Variants in GPC6 observed in about 807,000 individuals in gnomAD.
The protein encoded by GPC6 is glypican-6.
Under a neutral mutation model 55.2 loss-of-function variants are expected in GPC6, and 14 were observed. The ratio of observed to expected loss-of-function variants is 0.25; its 90% CI spans 0.17 to 0.40. GPC6 has a LOEUF of 0.40. Among genes scored for constraint, GPC6 ranks in the 10% least tolerant of loss-of-function variants. GPC6 has a pLI of 1.00. For missense variants in GPC6, 641 were observed against 708.5 expected (o/e 0.90, Z 1.08); for synonymous variants, 278 against 259.6 (o/e 1.07, Z -0.68).
intron 6 of GPC6, among the ~76,000 whole-genome samples, chr13:94,317,190 T>G (rs1876582768): frequency 6.6e-6 from 1 of 152,220 alleles, no homozygotes; most frequent in Non-Finnish European, 1.5e-5. Context: ...TTGATTCAGC[T>G]GGAAGAAAAC....
At chr13:93,253,514 G>A (rs1029394676) in intron 1 of GPC6, among the ~76,000 whole-genome samples, 1 of 152,160 alleles carries the variant, frequency 6.6e-6, no homozygotes, top group African/African-American at 2.4e-5. Context: ...TGACTTACAG[G>A]TGATTAATTT....
At chr13:93,741,769 A>C (rs1479923963) in intron 2 of GPC6, among the ~76,000 whole-genome samples, 1 of 152,100 alleles carries the variant, frequency 6.6e-6, no homozygotes, top group East Asian at 1.9e-4. Flanking sequence ...ACTCTACTTA[A>C]ATAGTGTTAG....
Position 93,476,593 on chromosome 13 carries a change from A to G in GPC6, c.161-68670A>G, listed in dbSNP as rs114969071. Reference sequence around the variant, plus strand: ...TTTTGGTGGATAGAGTTCTTAATACATAATTGTTGATTACTGTAAGTGCTT... The same window carrying G: ...TTTTGGTGGATAGAGTTCTTAATACGTAATTGTTGATTACTGTAAGTGCTT... On this transcript the variant is annotated intron_variant, in intron 1 of 8. Coordinates refer to ENST00000377047, the MANE Select transcript of GPC6 (RefSeq NM_005708.5). 6.3e-3 allele frequency among the ~76,000 whole-genome samples: 962 copies of G among 152,324 alleles called. 10 individuals are homozygous for G. The highest frequency in any genetic ancestry group is 0.022 in the African/African-American group (909 of 41,566).
chr13:93,269,854 T>C (rs1877454418), intron 1 of GPC6, among the ~76,000 whole-genome samples: 1 of 130,452 alleles, frequency 7.7e-6, no homozygotes, highest in African/African-American at 3.0e-5. Flanking sequence ...ATTGCGTCAC[T>C]GCACTCCAGC....
intron 2 of GPC6, among the ~76,000 whole-genome samples, chr13:93,728,836 G>C (rs188499266): frequency 3.3e-5 from 5 of 151,770 alleles, no homozygotes; most frequent in Non-Finnish European, 1.5e-5. Flanking sequence ...CCAAAGTGCT[G>C]AGATTACAGG....
At chr13:93,591,514 G>A (rs930466962) in intron 2 of GPC6, among the ~76,000 whole-genome samples, 7 of 150,394 alleles carry the variant, frequency 4.7e-5, no homozygotes, top group Non-Finnish European at 8.9e-5. Context: ...TATCAATATT[G>A]TAGGATAAAA....
intron 2 of GPC6, among the ~76,000 whole-genome samples, chr13:93,627,947 A>C (rs2139567072): frequency 6.6e-6 from 1 of 152,328 alleles, no homozygotes; most frequent in South Asian, 2.1e-4. Context: ...GGATCATTTT[A>C]AGAGTTCAAA....
the GPC6 span, among the ~76,000 whole-genome samples, chr13:93,218,177 A>G: frequency 3.5e-3 from 535 of 152,072 alleles, 4 homozygotes; most frequent in East Asian, 0.012. Flanking sequence ...TCTCACAAAC[A>G]TTTAATTATT....
intron 1 of GPC6, among the ~76,000 whole-genome samples, chr13:93,323,309 T>A (rs1001268115): frequency 6.6e-5 from 10 of 152,198 alleles, no homozygotes; most frequent in African/African-American, 2.4e-4. Flanking sequence ...ACTTATTAAG[T>A]AATAGGAAAA....
intron 3 of GPC6, among the ~76,000 whole-genome samples, chr13:94,014,076 T>C (rs1475524221): frequency 2.0e-5 from 3 of 152,202 alleles, no homozygotes; most frequent in Admixed American, 2.0e-4. Flanking sequence ...GGCTCTGATT[T>C]ACAATTCATA....
chr13:93,905,752 A>G (rs1043679686), intron 3 of GPC6, among the ~76,000 whole-genome samples: 1 of 152,238 alleles, frequency 6.6e-6, no homozygotes, highest in African/African-American at 2.4e-5. Context: ...TAATTACCTA[A>G]TGAATGAATC....
intron 1 of GPC6, among the ~76,000 whole-genome samples, chr13:93,506,718 C>G (rs1032336206): frequency 6.6e-6 from 1 of 151,918 alleles, no homozygotes; most frequent in African/African-American, 2.4e-5. Context: ...TTTCTCTCTT[C>G]TTTCAGACTA....
At chr13:94,229,637 A>T (rs1321727244) in intron 4 of GPC6, among the ~76,000 whole-genome samples, 2 of 152,190 alleles carry the variant, frequency 1.3e-5, no homozygotes, top group Non-Finnish European at 2.9e-5. Flanking sequence ...CAGTTGGGTG[A>T]TCTCCCCCTG....
At chr13:93,975,667 T>C (rs982665877) in intron 3 of GPC6, among the ~76,000 whole-genome samples, 1 of 152,222 alleles carries the variant, frequency 6.6e-6, no homozygotes, top group African/African-American at 2.4e-5. Flanking sequence ...CAAGACCTGC[T>C]ATCCTGATCC....
At chr13:93,959,831 G>A (rs979563954) in intron 3 of GPC6, among the ~76,000 whole-genome samples, 6 of 152,062 alleles carry the variant, frequency 3.9e-5, no homozygotes, top group Non-Finnish European at 5.9e-5. Flanking sequence ...TAGAAATGAC[G>A]AAACTAAAGC....
intron 1 of GPC6, among the ~76,000 whole-genome samples, chr13:93,442,389 T>C (rs553324198): frequency 6.6e-6 from 1 of 152,214 alleles, no homozygotes; most frequent in Non-Finnish European, 1.5e-5. Context: ...GAAAAGGGTC[T>C]GATTTATCAA....
intron 2 of GPC6, among the ~76,000 whole-genome samples, chr13:93,761,084 T>G (rs982088212): frequency 1.3e-5 from 2 of 152,224 alleles, no homozygotes; most frequent in Non-Finnish European, 2.9e-5. Flanking sequence ...AAATTTATAT[T>G]GCATTTTCAT....
At chr13:93,599,802 T>C (rs1877934050) in intron 2 of GPC6, among the ~76,000 whole-genome samples, 1 of 152,222 alleles carries the variant, frequency 6.6e-6, no homozygotes, top group Admixed American at 6.5e-5. Context: ...TTCTAATCAC[T>C]CCTGTCCATT....
At chr13:94,265,173 GA>G in intron 4 of GPC6, among the ~76,000 whole-genome samples, 1 of 152,286 alleles carries the variant, frequency 6.6e-6, no homozygotes, top group Non-Finnish European at 1.5e-5. Context: ...CGTGTAATAT[GA>G]AAAGGGAGTG....
Sources: gnomAD v4.1 joint callset for allele counts (sites outside exome capture counted in the v4.1 genomes callset) on GRCh38, gnomAD v4.1.1 for gene constraint, MANE v1.5 for transcripts, NCBI Gene and HGNC (gene_info 2026-07-23, HGNC 2026-07-21) for gene names.